The following DENND5A variants were observed in gnomAD, a reference collection of about 807,000 sequenced individuals.
DENND5A encodes the protein DENN domain containing 5A.
A neutral mutation model predicts 140.3 loss-of-function variants in DENND5A; 64 were observed. The ratio of observed to expected loss-of-function variants is 0.46; its 90% CI spans 0.37 to 0.56. DENND5A has a LOEUF of 0.56. DENND5A is among the 20% of genes least tolerant of loss of function. DENND5A has a pLI of 0.00. For missense variants in DENND5A, 1,292 were observed against 1,593.8 expected, an observed-to-expected ratio of 0.81 and a Z score of 3.22; for synonymous variants, 605 against 607.7, an observed-to-expected ratio of 1.00 and a Z score of 0.07.
intron 22 of DENND5A, chr11:9,140,127 T>G (rs1847188930): frequency 7.0e-7 from 1 of 1,433,340 alleles, no homozygotes; most frequent in South Asian, 1.2e-5. Context: ...CCACCACTGG[T>G]GTCTCCCAGA....
At position 9,139,374 on chromosome 11, in the gene DENND5A, G is replaced by A. The variant is rs1454442496; in HGVS notation, c.*297C>T. The A allele has an allele frequency of 2.5e-6, 1 of 394,230 alleles. No individual in the cohort carries two copies. Among genetic ancestry groups the A allele is most frequent in the Admixed American group, 3.8e-5 (1 of 26,438 alleles). 24.4% of individuals were successfully genotyped at this position (394,230 alleles called of 1,614,324 possible). ...ACGCAGTGCCACAGGCTCAGTCCAGGGAGGCCTCAGGCTTCCAGCATGTGG... is the reference window on the plus strand; with the variant it reads ...ACGCAGTGCCACAGGCTCAGTCCAGAGAGGCCTCAGGCTTCCAGCATGTGG... On this transcript the variant is annotated 3_prime_UTR_variant, in exon 23 of 23. Coordinates refer to ENST00000328194, the MANE Select transcript of DENND5A (RefSeq NM_015213.4).
intron 15 of DENND5A, 114 bp from the exon 16 acceptor site, chr11:9,147,265 T>G (rs1359370139): frequency 6.4e-6 from 7 of 1,102,288 alleles, no homozygotes; most frequent in Non-Finnish European, 9.1e-6. Flanking sequence ...AAGCTTCAAG[T>G]TCCTTAGGTT....
chr11:9,170,742 G>A lies in DENND5A; in HGVS notation c.1942C>T (p.His648Tyr). ...AGTAAATGTGGGTGAATTGCAGTATGGTCAATTTTTGCCAGACGCAGCTCA... is the reference window on the plus strand; with the variant it reads ...AGTAAATGTGGGTGAATTGCAGTATAGTCAATTTTTGCCAGACGCAGCTCA... ...AIELRLAKID[H>Y]TAIHPHLLDM... Residue 648 changes from histidine (H) to tyrosine (Y), a missense_variant, in exon 9 of 23, where the codon CAT (histidine) becomes TAT (tyrosine). His to Tyr is a moderately conservative substitution (Grantham distance 83). Transcript: ENST00000328194. The A allele has an allele frequency of 6.2e-7, 1 of 1,613,398 alleles. No individual in the cohort carries two copies. The highest frequency in any genetic ancestry group is 1.7e-5 in the Admixed American group (1 of 59,914).
chr11:9,258,248 T>C (rs1227359819), intron 1 of DENND5A, among the ~76,000 whole-genome samples: 2 of 152,060 alleles, frequency 1.3e-5, no homozygotes, highest in Non-Finnish European at 2.9e-5. Flanking sequence ...CTACATTAGG[T>C]ATTTCTCCTA....
Position 9,206,781 on chromosome 11 carries a change from T to C in DENND5A, c.183A>G (p.Gly61=), listed in dbSNP as rs746694205. Residue 61 remains glycine (G), a splice_region_variant and synonymous_variant, in exon 3 of 23, where the codon GGA becomes GGG. Transcript: ENST00000328194. ...ASPFISSTTE[G]ENFEQTPLRR... Reference sequence around the variant, plus strand: ...TCAATGGTGTCTGCTCAAAATTTTCTCCTGTAAGAAAAAGAATGAAGTAAA... The same window carrying C: ...TCAATGGTGTCTGCTCAAAATTTTCCCCTGTAAGAAAAAGAATGAAGTAAA... The C allele has an allele frequency of 6.2e-7, 1 of 1,605,004 alleles. No homozygotes were observed. Among genetic ancestry groups the C allele is most frequent in the South Asian group, 1.1e-5 (1 of 90,862 alleles).
intron 1 of DENND5A, among the ~76,000 whole-genome samples, chr11:9,261,002 C>T (rs1226772585): frequency 6.9e-6 from 1 of 144,364 alleles, no homozygotes; most frequent in Non-Finnish European, 1.5e-5. Context: ...GTGCATGCCA[C>T]CACACCCAGC....
chr11:9,260,273 A>C (rs1363752239), intron 1 of DENND5A, among the ~76,000 whole-genome samples: 1 of 152,038 alleles, frequency 6.6e-6, no homozygotes, highest in Non-Finnish European at 1.5e-5. Context: ...TTCCAAGGTA[A>C]GAAATACGTC....
chr11:9,213,625 T>C (rs146095124), intron 1 of DENND5A, among the ~76,000 whole-genome samples: 7 of 150,968 alleles, frequency 4.6e-5, no homozygotes, highest in African/African-American at 1.5e-4. Flanking sequence ...TGGGCCAACA[T>C]GGTGAAAACC....
At chr11:9,236,549 A>G (rs542524312) in intron 1 of DENND5A, among the ~76,000 whole-genome samples, 53 of 152,218 alleles carry the variant, frequency 3.5e-4, no homozygotes, top group African/African-American at 1.3e-3. Context: ...AGAAAGAAAA[A>G]AAAAAGAAAT....
Position 9,180,928 on chromosome 11 carries a change from C to A in DENND5A, c.1294G>T (p.Ala432Ser). 1 of 1,614,222 alleles carries A rather than the reference C, an allele frequency of 6.2e-7. No individual in the cohort carries two copies. Among genetic ancestry groups the A allele is most frequent in the Non-Finnish European group, 8.5e-7 (1 of 1,180,052 alleles). ...GCCCGCAGCCTCTTCAGCTTGGAGG[C>A]ACTCTCACTGCAATGAAGATTCCCT... ...PEGNLHCSES[A>S]SKLKRLRASE... Residue 432 changes from alanine to serine, a missense_variant, in exon 6 of 23, where the codon GCC (alanine) becomes TCC (serine). By Grantham distance (99) the Ala-to-Ser change is moderately conservative. Transcript: ENST00000328194.
chr11:9,231,490 C>A (rs1850768176), intron 1 of DENND5A, among the ~76,000 whole-genome samples: 1 of 151,974 alleles, frequency 6.6e-6, no homozygotes, highest in Non-Finnish European at 1.5e-5. Context: ...CAGAGGCAGG[C>A]AGATCACCTG....
intron 8 of DENND5A, 36 bp from the exon 9 acceptor site, chr11:9,170,813 C>G: frequency 6.2e-7 from 1 of 1,609,408 alleles, no homozygotes; most frequent in South Asian, 1.1e-5. Context: ...CACACACACA[C>G]ACACATAAAT....
At chr11:9,226,668 T>C (rs1850543285) in intron 1 of DENND5A, among the ~76,000 whole-genome samples, 1 of 152,304 alleles carries the variant, frequency 6.6e-6, no homozygotes, top group South Asian at 2.1e-4. Context: ...ATAACAGAGC[T>C]CTTCTTACCA....
Position 9,178,221 on chromosome 11 carries a change from G to T in DENND5A, c.1817C>A (p.Ser606Tyr), listed in dbSNP as rs758930750. The change falls in exon 8 of 23, where the codon TCC (serine) becomes TAC (tyrosine). Residue 606 changes from serine (S) to tyrosine (Y), a missense_variant. Physicochemically the swap from Ser to Tyr is moderately radical, Grantham distance 144. Transcript: ENST00000328194. ...DKDPVLRVFD[S>Y]RVDKIRLLNV... Reference sequence around the variant, plus strand: ...CAACAGCCTGATCTTGTCAACTCGGGAATCAAATACCCGGAGTACAGGGTC... The same window carrying T: ...CAACAGCCTGATCTTGTCAACTCGGTAATCAAATACCCGGAGTACAGGGTC... The T allele has an allele frequency of 6.2e-7, 1 of 1,613,984 alleles. No homozygotes were observed. Among genetic ancestry groups the T allele is most frequent in the Non-Finnish European group, 8.5e-7 (1 of 1,179,938 alleles).
intron 1 of DENND5A, among the ~76,000 whole-genome samples, chr11:9,264,581 T>C (rs1485521126): frequency 6.6e-6 from 1 of 152,180 alleles, no homozygotes; most frequent in Non-Finnish European, 1.5e-5. Flanking sequence ...TTTCCTTTTT[T>C]TTAAGTCTGG....
Position 9,165,968 on chromosome 11 carries a change from C to T in DENND5A, c.2152-1G>A. 6.2e-7 allele frequency: 1 copy of T among 1,613,972 alleles called. No homozygotes were observed. Among genetic ancestry groups the T allele is most frequent in the Non-Finnish European group, 8.5e-7 (1 of 1,179,900 alleles). ...TAGTCCTGGCTTCCTGGATGTACTT[C>T]TATATCAAACAGAAAAATAAAGACC... On this transcript the variant is annotated splice_acceptor_variant, in intron 10 of 22. Transcript: ENST00000328194. LOFTEE classifies it high-confidence loss of function.
intron 1 of DENND5A, among the ~76,000 whole-genome samples, chr11:9,247,990 G>A (rs766230449): frequency 2.1e-4 from 32 of 152,164 alleles, no homozygotes; most frequent in Admixed American, 4.6e-4. Context: ...TCTTTGGGTT[G>A]TTTTGTTTTG....
intron 1 of DENND5A, among the ~76,000 whole-genome samples, chr11:9,241,612 G>A (rs1851237339): frequency 6.6e-6 from 1 of 152,084 alleles, no homozygotes; most frequent in Non-Finnish European, 1.5e-5. Context: ...TCTTCTCTCT[G>A]CCTGAAATAC....
At chr11:9,249,501 A>C (rs1454152222) in intron 1 of DENND5A, among the ~76,000 whole-genome samples, 1 of 152,086 alleles carries the variant, frequency 6.6e-6, no homozygotes, top group Admixed American at 6.6e-5. Context: ...GAGCTGAGGC[A>C]CATGCCATCA....
Sources: gnomAD v4.1 joint callset for allele counts (sites outside exome capture counted in the v4.1 genomes callset) on GRCh38, gnomAD v4.1.1 for gene constraint, MANE v1.5 for transcripts, NCBI Gene and HGNC (gene_info 2026-07-23, HGNC 2026-07-21) for gene names.